Variants in TSHZ2 observed in about 807,000 individuals in gnomAD.
TSHZ2 encodes the protein teashirt homolog 2.
TSHZ2 carries 21 observed loss-of-function variants against 74.4 expected under a neutral mutation model. The ratio of observed to expected loss-of-function variants is 0.28; its 90% CI spans 0.20 to 0.41. TSHZ2 has a LOEUF of 0.41. Ranked by LOEUF, TSHZ2 falls within the 10% of genes least tolerant of loss-of-function variation. The pLI is 1.00. For synonymous variants in TSHZ2, 540 were observed against 515.3 expected, an observed-to-expected ratio of 1.05 and a Z score of -0.65; for missense variants, 1,244 against 1,293.5, an observed-to-expected ratio of 0.96 and a Z score of 0.59.
chr20:53,190,512 T>C (rs1201729929), intron 1 of TSHZ2, among the ~76,000 whole-genome samples: 1 of 151,918 alleles, frequency 6.6e-6, no homozygotes, highest in East Asian at 1.9e-4. Flanking sequence ...AGAGGTGCCG[T>C]TTTCAACAAA....
At chr20:53,028,435 T>C (rs1176219548) in intron 1 of TSHZ2, among the ~76,000 whole-genome samples, 1 of 152,268 alleles carries the variant, frequency 6.6e-6, no homozygotes, top group East Asian at 1.9e-4. Context: ...GGGCTTTGTT[T>C]ATTGCCTAAC....
intron 1 of TSHZ2, among the ~76,000 whole-genome samples, chr20:53,158,324 C>A (rs1189070416): frequency 2.0e-5 from 3 of 152,066 alleles, no homozygotes; most frequent in African/African-American, 4.8e-5. Flanking sequence ...AGGTTTGGGG[C>A]AGGAGAAAAG....
intron 1 of TSHZ2, among the ~76,000 whole-genome samples, chr20:53,222,856 CAAAG>C (rs1486576267): frequency 2.6e-5 from 4 of 152,156 alleles, no homozygotes; most frequent in South Asian, 2.1e-4. Flanking sequence ...TTTGCATTGA[CAAAG>C]AAACTACAGC....
intron 2 of TSHZ2, among the ~76,000 whole-genome samples, chr20:53,485,608 C>T (rs1004492868): frequency 6.6e-6 from 1 of 151,954 alleles, no homozygotes; most frequent in Non-Finnish European, 1.5e-5. Context: ...ACTCGGGAGG[C>T]TGAAGCAGGA....
chr20:53,241,549 G>A (rs986940937), intron 1 of TSHZ2, among the ~76,000 whole-genome samples: 20 of 152,090 alleles, frequency 1.3e-4, no homozygotes, highest in African/African-American at 4.8e-4. Context: ...AATGTTAGGA[G>A]CCTGATGAAC....
intron 2 of TSHZ2, among the ~76,000 whole-genome samples, chr20:53,312,677 G>A (rs1022601045): frequency 9.2e-5 from 14 of 152,142 alleles, no homozygotes; most frequent in Non-Finnish European, 2.1e-4. Context: ...ACGCTGTTCC[G>A]AGTTCTTAAT....
At chr20:53,359,035 T>C (rs1323056009) in intron 2 of TSHZ2, among the ~76,000 whole-genome samples, 2 of 152,212 alleles carry the variant, frequency 1.3e-5, no homozygotes, top group Non-Finnish European at 2.9e-5. Context: ...TTTTTCTGCT[T>C]GAAAACATTC....
intron 1 of TSHZ2, among the ~76,000 whole-genome samples, chr20:52,988,012 C>CTTCTTTTTTA (rs1227807371): frequency 1.3e-5 from 2 of 152,060 alleles, no homozygotes; most frequent in Non-Finnish European, 2.9e-5. Context: ...AATGACTTCT[C>CTTCTTTTTTA]TTCTTTTTTA....
At chr20:53,003,975 T>C (rs1158322087) in intron 1 of TSHZ2, among the ~76,000 whole-genome samples, 3 of 152,072 alleles carry the variant, frequency 2.0e-5, no homozygotes, top group African/African-American at 7.2e-5. Context: ...TTCTAGAAGC[T>C]TCAGTGTCTG....
chr20:53,452,598 C>CAAA lies in TSHZ2; in HGVS notation c.*9-34531_*9-34529dup, dbSNP rs11313655. 4.0e-3 allele frequency among the ~76,000 whole-genome samples: 483 copies of CAAA among 121,276 alleles called. 2 individuals are homozygous for CAAA. Among genetic ancestry groups the CAAA allele is most frequent in the South Asian group, 0.034 (130 of 3,806 alleles). 79.6% of individuals were successfully genotyped at this position (121,276 alleles called of 152,430 possible). A position where few individuals can be genotyped will look rare whatever the true frequency, so the allele number is the denominator to read the frequency against. The stretch of plus-strand genomic sequence containing the variant: ...TGGGTGACACAGTGAGACTCTGTCT[C>CAAA]AAAAAAAAAAAAAAAAAGGAACTAG... On this transcript the variant is annotated intron_variant, in intron 2 of 2. Coordinates refer to ENST00000371497, the MANE Select transcript of TSHZ2 (RefSeq NM_173485.6).
At chr20:53,038,904 G>GTTTT (rs746921607) in intron 1 of TSHZ2, among the ~76,000 whole-genome samples, 1 of 139,034 alleles carries the variant, frequency 7.2e-6, no homozygotes, top group African/African-American at 3.2e-5. Context: ...TTGTTTGTTT[G>GTTTT]TTTGTTTTTG....
At position 52,993,886 on chromosome 20, in the gene TSHZ2, C is replaced by T. The variant is rs112283372; in HGVS notation, c.40+20553C>T. 4.9e-3 allele frequency among the ~76,000 whole-genome samples: 742 copies of T among 152,322 alleles called. 3 individuals are homozygous for T. Among genetic ancestry groups the T allele is most frequent in the African/African-American group, 0.016 (678 of 41,566 alleles). On this transcript the variant is annotated intron_variant, in intron 1 of 2. Transcript: ENST00000371497. ...AACAAAAGTAAAAGGCCACCCTTGCCTTCCGGAGGAGCAAAGGGAAGTTTG... is the reference window on the plus strand; with the variant it reads ...AACAAAAGTAAAAGGCCACCCTTGCTTTCCGGAGGAGCAAAGGGAAGTTTG...
intron 2 of TSHZ2, among the ~76,000 whole-genome samples, chr20:53,441,953 C>T (rs183763471): frequency 2.0e-5 from 3 of 152,146 alleles, no homozygotes; most frequent in Admixed American, 6.6e-5. Flanking sequence ...AATTGCAAGC[C>T]GAATTTGACC....
chr20:53,306,767 CATTTA>C lies in TSHZ2; in HGVS notation c.*8+50197_*8+50201del, dbSNP rs1444857731. ...TAATGAAATCTGTGGCTCAGATGAA[CATTTA>C]TTTTATTAATATTTATCGTGTGCCT... On this transcript the variant is annotated intron_variant, in intron 2 of 2. Transcript: ENST00000371497. Among the ~76,000 whole-genome samples, 709 of 152,218 alleles carry C rather than the reference CATTTA, an allele frequency of 4.7e-3. 7 individuals carry two copies. The highest frequency in any genetic ancestry group is 0.017 in the African/African-American group (690 of 41,514).
chr20:53,260,919 T>C lies in TSHZ2; in HGVS notation c.*8+4348T>C, dbSNP rs571638122. On this transcript the variant is annotated intron_variant, in intron 2 of 2. Transcript: ENST00000371497. ...TGCAAAATCTCAACCTGCTGTTTGATTCAGATAACAATGACAGTGAAACTA... is the reference window on the plus strand; with the variant it reads ...TGCAAAATCTCAACCTGCTGTTTGACTCAGATAACAATGACAGTGAAACTA... Among the ~76,000 whole-genome samples, 4 of 152,318 alleles carry C rather than the reference T, an allele frequency of 2.6e-5. No homozygotes were observed. The East Asian group carries it at 7.7e-4, about 29-fold the overall frequency.
chr20:53,147,722 T>TTTG (rs1987576939), intron 1 of TSHZ2, among the ~76,000 whole-genome samples: 3 of 152,148 alleles, frequency 2.0e-5, no homozygotes, highest in Non-Finnish European at 4.4e-5. Flanking sequence ...TTTGTTTTGT[T>TTTG]TTGTTTTGTT....
intron 2 of TSHZ2, among the ~76,000 whole-genome samples, chr20:53,329,461 A>G (rs1979629210): frequency 6.6e-6 from 1 of 152,154 alleles, no homozygotes; most frequent in African/African-American, 2.4e-5. Context: ...TTTATGGCTG[A>G]ATTTAACTCC....
At chr20:53,181,985 A>T (rs962640447) in intron 1 of TSHZ2, among the ~76,000 whole-genome samples, 1 of 152,190 alleles carries the variant, frequency 6.6e-6, no homozygotes, top group Non-Finnish European at 1.5e-5. Context: ...TGTGGGCCTC[A>T]ATTCTCTGAC....
Position 53,253,836 on chromosome 20 carries a change from C to G in TSHZ2, c.378C>G (p.Thr126=), listed in dbSNP as rs371673845. 62 of 1,614,058 alleles carry G rather than the reference C, an allele frequency of 3.8e-5. No individual in the cohort carries two copies. Among genetic ancestry groups the G allele is most frequent in the Non-Finnish European group, 5.1e-5 (60 of 1,180,048 alleles). Residue 126 remains threonine, a synonymous_variant, in exon 2 of 3, where the codon ACC becomes ACG. Transcript: ENST00000371497. The stretch of plus-strand genomic sequence containing the variant: ...CACACAATTGCATGGATAAAATGAC[C>G]GCTGTCTACGCCAACATCCTGTCGG... The part of the protein sequence containing the change: ...NEAHNCMDKM[T]AVYANILSDS...
Sources: allele counts gnomAD v4.1 joint callset (sites outside exome capture counted in the v4.1 genomes callset), GRCh38; gene constraint gnomAD v4.1.1; transcripts MANE v1.5; gene names NCBI Gene and HGNC (gene_info 2026-07-23, HGNC 2026-07-21).